The following FNDC3A variants were observed in gnomAD, a reference collection of about 807,000 sequenced individuals.
The protein encoded by FNDC3A is fibronectin type III domain containing 3A.
In FNDC3A, 32 loss-of-function variants were observed where a neutral mutation model predicts 148.9. That is an observed-to-expected ratio of 0.21 (90% CI 0.16 to 0.29). The LOEUF is 0.29. Among genes scored for constraint, FNDC3A ranks in the 10% least tolerant of loss-of-function variants. The pLI is 1.00. For missense variants in FNDC3A, 1,191 were observed against 1,452.8 expected (o/e 0.82, Z 2.93); for synonymous variants, 472 against 473.6 (o/e 1.00, Z 0.04).
At chr13:49,141,411 C>G (rs766309280) in intron 7 of FNDC3A, among the ~76,000 whole-genome samples, 5 of 152,098 alleles carry the variant, frequency 3.3e-5, no homozygotes, top group Non-Finnish European at 7.4e-5. Context: ...AGAATCATTA[C>G]CCCTTCCCTT....
intron 8 of FNDC3A, among the ~76,000 whole-genome samples, chr13:49,165,340 C>T (rs371872697): frequency 2.6e-5 from 4 of 152,234 alleles, no homozygotes; most frequent in African/African-American, 9.6e-5. Flanking sequence ...GGACTTTTTC[C>T]TGAAGATGCA....
chr13:49,054,125 C>A (rs1239119202), intron 2 of FNDC3A, among the ~76,000 whole-genome samples: 2 of 152,132 alleles, frequency 1.3e-5, no homozygotes, highest in African/African-American at 4.8e-5. Context: ...CCACTCCTTT[C>A]GCATCATGGT....
At chr13:49,177,223 A>C (rs1229389490) in intron 13 of FNDC3A, among the ~76,000 whole-genome samples, 1 of 152,212 alleles carries the variant, frequency 6.6e-6, no homozygotes, top group Non-Finnish European at 1.5e-5. Context: ...TAGGGAAACT[A>C]TGAGGAGGGG....
chr13:49,136,714 C>A, intron 6 of FNDC3A, 113 bp downstream of exon 6: 1 of 1,014,168 alleles, frequency 9.9e-7, no homozygotes, highest in Non-Finnish European at 1.4e-6. Flanking sequence ...TAGACTGTTA[C>A]AGGCTGCTGC....
chr13:49,137,636 A>C (rs553814559), intron 6 of FNDC3A, among the ~76,000 whole-genome samples: 1 of 152,264 alleles, frequency 6.6e-6, no homozygotes, highest in East Asian at 1.9e-4. Context: ...TGAGCCTACT[A>C]TATGGACTTT....
At position 49,069,617 on chromosome 13, in the gene FNDC3A, A is replaced by G. The variant is rs547826677; in HGVS notation, c.100-5672A>G. Among the ~76,000 whole-genome samples, 7 of 152,344 alleles carry G rather than the reference A, an allele frequency of 4.6e-5. No homozygotes were observed. The South Asian group carries it at 1.4e-3, about 32-fold the overall frequency. The stretch of plus-strand genomic sequence containing the variant: ...TTTACATACTCTAAAAAGGCATTGA[A>G]CATACAAATGTACATACACATACAC... On this transcript the variant is annotated intron_variant, in intron 2 of 25. Transcript: ENST00000492622.
rs777604844 is a variant in FNDC3A at position 49,188,640 on chromosome 13, C to T, written c.1944+7C>T. 9 of 1,555,068 alleles carry T rather than the reference C, an allele frequency of 5.8e-6. No individual in the cohort carries two copies. The highest frequency in any genetic ancestry group is 8.0e-6 in the Non-Finnish European group (9 of 1,127,100). On this transcript the variant is annotated splice_region_variant and intron_variant, in intron 17 of 25. Transcript: ENST00000492622. ...TGATGGAGGACAGAGTGCGGTAATA[C>T]TTATATGTAGATTCTTTTGTGTTGT...
At chr13:49,078,440 C>G (rs1234278485) in intron 3 of FNDC3A, among the ~76,000 whole-genome samples, 1 of 152,192 alleles carries the variant, frequency 6.6e-6, no homozygotes, top group Non-Finnish European at 1.5e-5. Flanking sequence ...GGATTCCTTT[C>G]TCTATATGAC....
At chr13:49,036,907 A>G (rs1044300798) in intron 2 of FNDC3A, among the ~76,000 whole-genome samples, 8 of 152,218 alleles carry the variant, frequency 5.3e-5, no homozygotes, top group African/African-American at 1.9e-4. Flanking sequence ...GCCAAAGAAT[A>G]GTAAGTAAGT....
intron 2 of FNDC3A, 110 bp downstream of exon 2, chr13:49,006,399 A>G: frequency 2.0e-6 from 1 of 499,320 alleles, no homozygotes; most frequent in Non-Finnish European, 3.6e-6. Flanking sequence ...TTAAATTCCC[A>G]ATTCAAAATG....
rs376054909 is a variant in FNDC3A at position 49,027,455 on chromosome 13, T to C, written c.99+21166T>C. On this transcript the variant is annotated intron_variant, in intron 2 of 25. Coordinates refer to ENST00000492622, the MANE Select transcript of FNDC3A (RefSeq NM_001079673.2). ...CATAACCAGGTAAATACAGTATAAA[T>C]GTATTAAAAAATTTTTTTCTGTCTG... Among the ~76,000 whole-genome samples the C allele has an allele frequency of 1.1e-4, 17 of 152,284 alleles. No homozygotes were observed. In the East Asian group the frequency reaches 3.3e-3, roughly 29 times the overall value.
intron 1 of FNDC3A, among the ~76,000 whole-genome samples, chr13:48,985,886 TAAC>T (rs1951781880): frequency 6.6e-6 from 1 of 152,236 alleles, no homozygotes; most frequent in Non-Finnish European, 1.5e-5. Context: ...ATAACAAACA[TAAC>T]AACACATGCA....
At chr13:49,104,480 C>A (rs544492871) in intron 3 of FNDC3A, among the ~76,000 whole-genome samples, 7 of 84,352 alleles carry the variant, frequency 8.3e-5, no homozygotes, top group African/African-American at 3.3e-4. Flanking sequence ...GCTGAGATCG[C>A]GCCACTGCAC....
Position 48,994,710 on chromosome 13 carries a change from G to A in FNDC3A, c.-39-11442G>A, listed in dbSNP as rs368024549. Among the ~76,000 whole-genome samples the A allele has an allele frequency of 3.9e-4, 60 of 152,144 alleles. No homozygotes were observed. The East Asian group carries it at 7.5e-3, about 19-fold the overall frequency. On this transcript the variant is annotated intron_variant, in intron 1 of 25. Coordinates refer to ENST00000492622, the MANE Select transcript of FNDC3A (RefSeq NM_001079673.2). ...GGAGAATTGCTTGAACCTGGGAAGC[G>A]GGGGTTGCAGTGAGCCGAGATGTGC...
At chr13:49,006,704 A>G (rs1473302144) in intron 2 of FNDC3A, among the ~76,000 whole-genome samples, 1 of 151,936 alleles carries the variant, frequency 6.6e-6, no homozygotes, top group Non-Finnish European at 1.5e-5. Context: ...TAAATACACA[A>G]TCCCTGAAAA....
At chr13:49,000,967 T>A (rs540356788) in intron 1 of FNDC3A, among the ~76,000 whole-genome samples, 40 of 150,560 alleles carry the variant, frequency 2.7e-4, no homozygotes, top group African/African-American at 7.8e-4. Context: ...TGTGTGTTTG[T>A]GTGTGTGTGT....
At chr13:49,164,588 G>A (rs1884351284) in intron 8 of FNDC3A, among the ~76,000 whole-genome samples, 1 of 151,546 alleles carries the variant, frequency 6.6e-6, no homozygotes, top group Non-Finnish European at 1.5e-5. Context: ...CATAGGCTTT[G>A]TTCATTCATT....
intron 11 of FNDC3A, among the ~76,000 whole-genome samples, chr13:49,172,732 T>C (rs1884826378): frequency 6.6e-6 from 1 of 152,192 alleles, no homozygotes; most frequent in South Asian, 2.1e-4. Context: ...TATCTCGAGA[T>C]TCTTAGTCAC....
At chr13:49,168,022 A>C (rs1323912538) in intron 9 of FNDC3A, among the ~76,000 whole-genome samples, 5 of 152,206 alleles carry the variant, frequency 3.3e-5, no homozygotes, top group Non-Finnish European at 7.4e-5. Context: ...AACTTAGATA[A>C]TGTTTTACTC....
Sources: gnomAD v4.1 joint callset for allele counts (sites outside exome capture counted in the v4.1 genomes callset) on GRCh38, gnomAD v4.1.1 for gene constraint, MANE v1.5 for transcripts, NCBI Gene and HGNC (gene_info 2026-07-23, HGNC 2026-07-21) for gene names.